FHOD3: variants seen among roughly 807,000 people sequenced by gnomAD.
FHOD3 encodes the protein formin homology 2 domain containing 3.
FHOD3 carries 90 observed loss-of-function variants against 173.0 expected under a neutral mutation model. The ratio of observed to expected loss-of-function variants is 0.52; its 90% CI spans 0.44 to 0.62. The LOEUF is 0.62. Ranked by LOEUF, FHOD3 falls within the 20% of genes least tolerant of loss-of-function variation. The probability of loss-of-function intolerance (pLI) is 0.00; values close to 1 mark genes in which losing one functional copy is unlikely to be tolerated. For missense variants in FHOD3, 1,945 were observed against 2,034.7 expected (o/e 0.96, Z 0.85); for synonymous variants, 828 against 823.0 (o/e 1.01, Z -0.10).
chr18:36,663,402 G>A (rs1168034136), intron 14 of FHOD3, among the ~76,000 whole-genome samples: 1 of 152,154 alleles, frequency 6.6e-6, no homozygotes, highest in Non-Finnish European at 1.5e-5. Flanking sequence ...CAGCCACGCT[G>A]ACCTCTCAGG....
At chr18:36,594,661 G>A (rs769088732) in intron 6 of FHOD3, 126 bp from the exon 7 acceptor site, 26 of 630,070 alleles carry the variant, frequency 4.1e-5, no homozygotes, top group Non-Finnish European at 7.5e-5. Flanking sequence ...ATCTGTGAAG[G>A]AATCTGTGTA....
intron 6 of FHOD3, among the ~76,000 whole-genome samples, chr18:36,591,477 G>GT: frequency 6.6e-6 from 1 of 152,296 alleles, no homozygotes. Flanking sequence ...AGGACGGGCT[G>GT]GCCTACCCTT....
At chr18:36,592,274 A>G (rs1173475527) in intron 6 of FHOD3, among the ~76,000 whole-genome samples, 1 of 152,216 alleles carries the variant, frequency 6.6e-6, no homozygotes, top group Non-Finnish European at 1.5e-5. Flanking sequence ...TCCTTTAAGT[A>G]AAAGAGTCAG....
chr18:36,656,184 A>G (rs931602503), intron 13 of FHOD3, among the ~76,000 whole-genome samples: 12 of 151,984 alleles, frequency 7.9e-5, no homozygotes, highest in Admixed American at 7.9e-4. Context: ...CTCTTTGCTC[A>G]TTGGCTTTCT....
chr18:36,630,753 G>A (rs1228558562), intron 10 of FHOD3, among the ~76,000 whole-genome samples: 4 of 152,184 alleles, frequency 2.6e-5, no homozygotes, highest in Admixed American at 6.5e-5. Context: ...CTTGGCTGCC[G>A]ATACTTTCAA....
intron 3 of FHOD3, among the ~76,000 whole-genome samples, chr18:36,474,386 A>G (rs1229302363): frequency 1.3e-5 from 2 of 152,308 alleles, no homozygotes; most frequent in East Asian, 1.9e-4. Context: ...TTGGACATCA[A>G]TGCTACATCT....
intron 3 of FHOD3, among the ~76,000 whole-genome samples, chr18:36,464,485 C>T (rs1298256412): frequency 6.6e-6 from 1 of 152,118 alleles, no homozygotes; most frequent in Non-Finnish European, 1.5e-5. Context: ...GAGGCTCAGG[C>T]CAGGGATGGA....
intron 24 of FHOD3, among the ~76,000 whole-genome samples, chr18:36,750,454 T>C (rs952894903): frequency 6.6e-6 from 1 of 152,250 alleles, no homozygotes; most frequent in Admixed American, 6.5e-5. Context: ...ACTCTGTTGA[T>C]AGTTTCTTTT....
At chr18:36,516,731 A>T (rs1427743788) in intron 5 of FHOD3, among the ~76,000 whole-genome samples, 1 of 152,236 alleles carries the variant, frequency 6.6e-6, no homozygotes, top group Admixed American at 6.5e-5. Flanking sequence ...TTAACAGAGC[A>T]AGACCCTGTT....
chr18:36,369,484 CACACACACACACACAT>C lies in FHOD3; in HGVS notation c.273-3194_273-3179del, dbSNP rs1480298442. Among the ~76,000 whole-genome samples the C allele has an allele frequency of 5.4e-3, 688 of 127,590 alleles. 18 individuals are homozygous for C. The highest frequency in any genetic ancestry group is 0.034 in the Admixed American group (446 of 13,022). 83.7% of individuals were successfully genotyped at this position (127,590 alleles called of 152,430 possible). On this transcript the variant is annotated intron_variant, in intron 2 of 28. Coordinates refer to ENST00000590592, the MANE Select transcript of FHOD3 (RefSeq NM_001281740.3). ...ACACACACACACACACACACACACA[CACACACACACACACAT>C]ATATATAGAGAGAGAGAGAGAGAGA...
At chr18:36,676,783 G>T (rs1408408167) in intron 14 of FHOD3, among the ~76,000 whole-genome samples, 1 of 152,090 alleles carries the variant, frequency 6.6e-6, no homozygotes, top group African/African-American at 2.4e-5. Context: ...GTGAAGATGA[G>T]CATCACTCAT....
chr18:36,666,375 C>T (rs1353258288), intron 14 of FHOD3, among the ~76,000 whole-genome samples: 2 of 152,180 alleles, frequency 1.3e-5, no homozygotes, highest in Admixed American at 6.5e-5. Context: ...TAGGATATGA[C>T]CCTGAAGCTA....
At chr18:36,776,473 G>A (rs572243062) in intron 28 of FHOD3, among the ~76,000 whole-genome samples, 8 of 152,318 alleles carry the variant, frequency 5.3e-5, no homozygotes, top group Middle Eastern at 6.8e-3. Flanking sequence ...TTCATTTCAC[G>A]TGGTCTTTCA....
intron 5 of FHOD3, among the ~76,000 whole-genome samples, chr18:36,568,493 C>T (rs2058350349): frequency 2.0e-5 from 3 of 151,904 alleles, no homozygotes; most frequent in African/African-American, 7.3e-5. Flanking sequence ...TATGTGAACC[C>T]CTGGGCTCCA....
At chr18:36,649,572 C>A (rs1180215004) in intron 11 of FHOD3, among the ~76,000 whole-genome samples, 167 bp downstream of exon 11, 1 of 152,144 alleles carries the variant, frequency 6.6e-6, no homozygotes, top group South Asian at 2.1e-4. Context: ...TGTAGAAATA[C>A]CTGAGCATGT....
intron 10 of FHOD3, among the ~76,000 whole-genome samples, chr18:36,645,702 A>G (rs2035631828): frequency 6.6e-6 from 1 of 152,294 alleles, no homozygotes; most frequent in Non-Finnish European, 1.5e-5. Flanking sequence ...AAATTAAGAA[A>G]TAGAATCTAG....
intron 3 of FHOD3, among the ~76,000 whole-genome samples, chr18:36,448,017 G>A (rs1026521931): frequency 3.4e-4 from 51 of 152,078 alleles, no homozygotes; most frequent in African/African-American, 1.2e-3. Flanking sequence ...TGAATTGAAG[G>A]TATTTCCTTT....
intron 3 of FHOD3, among the ~76,000 whole-genome samples, chr18:36,487,489 T>C (rs1236846582): frequency 2.0e-5 from 3 of 152,226 alleles, no homozygotes; most frequent in Admixed American, 6.5e-5. Context: ...CTTCTCTGTA[T>C]GGACCCTTCT....
chr18:36,482,856 CACAGAGAGAGAGAGAG>C (rs1281609657), intron 3 of FHOD3, among the ~76,000 whole-genome samples: 5 of 64,064 alleles, frequency 7.8e-5, no homozygotes, highest in African/African-American at 2.2e-4. Context: ...CTCACACACA[CACAGAGAGAGAGAGAG>C]AGAGAGAGAG....
Sources: allele counts gnomAD v4.1 joint callset (sites outside exome capture counted in the v4.1 genomes callset), GRCh38; gene constraint gnomAD v4.1.1; transcripts MANE v1.5; gene names NCBI Gene and HGNC (gene_info 2026-07-23, HGNC 2026-07-21).